Variants in FANCD2OS observed in about 807,000 individuals in gnomAD.
The protein encoded by FANCD2OS is FANCD2 opposite strand protein.
A neutral mutation model predicts 13.2 loss-of-function variants in FANCD2OS; 11 were observed. The ratio of observed to expected loss-of-function variants is 0.83; its 90% CI spans 0.52 to 1.38. The LOEUF is 1.38. FANCD2OS is among the 40% of genes most tolerant of loss of function. The probability of loss-of-function intolerance (pLI) is 0.00; values close to 1 mark genes in which losing one functional copy is unlikely to be tolerated. For missense variants in FANCD2OS, 217 were observed against 213.9 expected (o/e 1.01, Z -0.09); for synonymous variants, 69 against 84.5 (o/e 0.82, Z 1.01).
intron 1 of FANCD2OS, among the ~76,000 whole-genome samples, chr3:10,107,345 T>G (rs1663857942): frequency 6.6e-6 from 1 of 152,022 alleles, no homozygotes; most frequent in Non-Finnish European, 1.5e-5. Context: ...TGGAGTGCAG[T>G]GGCGCGATCT....
At chr3:10,081,661 G>T (rs879779724) in intron 2 of FANCD2OS, 2 of 615,430 alleles carry the variant, frequency 3.2e-6, no homozygotes, top group Admixed American at 5.2e-5. Context: ...GAGCCACTAT[G>T]TTAACCCATT....
chr3:10,096,661 C>T (rs1252622150), intron 2 of FANCD2OS, among the ~76,000 whole-genome samples: 1 of 152,162 alleles, frequency 6.6e-6, no homozygotes, highest in Non-Finnish European at 1.5e-5. Flanking sequence ...CTGCACCCCT[C>T]ATCTTAGGCA....
rs369022159 is a variant in FANCD2OS, at chr3:10,088,463, C to T, written c.*44-6932G>A. 55 of 1,608,832 alleles carry T rather than the reference C, an allele frequency of 3.4e-5. No homozygotes were observed. The highest frequency in any genetic ancestry group is 4.4e-5 in the Non-Finnish European group (52 of 1,175,164). On this transcript the variant is annotated intron_variant, in intron 2 of 2. Transcript: ENST00000524279. ...TTTTCTAACAGCTTCCCTTGCCAGA[C>T]AATTCCTCTGTCGGGTGTGGCCAAG...
chr3:10,088,951 G>T, intron 2 of FANCD2OS: 1 of 1,613,964 alleles, frequency 6.2e-7, no homozygotes, highest in South Asian at 1.1e-5. Context: ...CACTGACCAG[G>T]TAAGGGAGTT....
chr3:10,084,948 A>G (rs947616688), intron 2 of FANCD2OS, among the ~76,000 whole-genome samples: 1 of 135,010 alleles, frequency 7.4e-6, no homozygotes, highest in Non-Finnish European at 1.7e-5. Flanking sequence ...AACACTCAAA[A>G]GGTGTCACTA....
downstream of FANCD2OS, chr3:10,101,098 G>A (rs1426772365): frequency 2.1e-6 from 2 of 958,104 alleles, no homozygotes; most frequent in East Asian, 2.5e-5. Context: ...AGTGATAATA[G>A]TACAGTTGTG....
intron 2 of FANCD2OS, chr3:10,096,210 C>A: frequency 1.0e-6 from 1 of 1,004,258 alleles, no homozygotes; most frequent in Non-Finnish European, 1.6e-6. Flanking sequence ...TGGAACATAC[C>A]GTTGGCCCAT....
chr3:10,099,443 C>A (rs920939039), downstream of FANCD2OS: 1 of 553,628 alleles, frequency 1.8e-6, no homozygotes, highest in Non-Finnish European at 2.4e-6. Context: ...CACAACATAA[C>A]AAGACCCTAT....
At chr3:10,094,970 A>G (rs925999214) in intron 2 of FANCD2OS, 8 of 551,472 alleles carry the variant, frequency 1.5e-5, no homozygotes, top group Non-Finnish European at 2.6e-5. Flanking sequence ...ATGTAAAACT[A>G]AAATGCAGGT....
chr3:10,104,220 T>C lies in FANCD2OS; in HGVS notation c.*21A>G, dbSNP rs1232602607. 1.9e-6 allele frequency: 3 copies of C among 1,576,922 alleles called. No individual in the cohort carries two copies. The African/African-American group carries it at 4.1e-5, about 21-fold the overall frequency. On this transcript the variant is annotated 3_prime_UTR_variant, in exon 2 of 2. Transcript: ENST00000450660. Reference sequence around the variant, plus strand: ...TACCAAAGGGCATGGTGTGAGTAAATGGGGATCAAATGAGGACCCTTTACT... The same window carrying C: ...TACCAAAGGGCATGGTGTGAGTAAACGGGGATCAAATGAGGACCCTTTACT...
downstream of FANCD2OS, chr3:10,098,858 A>G: frequency 6.2e-7 from 1 of 1,614,186 alleles, no homozygotes; most frequent in Non-Finnish European, 8.5e-7. Flanking sequence ...TGATGGTTGC[A>G]TTTTGTTAAT....
chr3:10,106,918 AC>A (rs955186461), intron 1 of FANCD2OS, among the ~76,000 whole-genome samples: 39 of 152,294 alleles, frequency 2.6e-4, no homozygotes, highest in African/African-American at 9.4e-4. Context: ...AAAGAAAAAA[AC>A]GTTGGTGACA....
intron 1 of FANCD2OS, among the ~76,000 whole-genome samples, chr3:10,106,609 T>C (rs564915654): frequency 1.3e-5 from 2 of 152,174 alleles, no homozygotes; most frequent in East Asian, 3.9e-4. Flanking sequence ...GATAGAAAAG[T>C]TCGTTTTAAA....
chr3:10,094,795 T>A (rs1487404546), intron 2 of FANCD2OS: 5 of 333,038 alleles, frequency 1.5e-5, no homozygotes, highest in Non-Finnish European at 2.9e-5. Flanking sequence ...CATCCAGGGC[T>A]AGAGTGATGA....
At chr3:10,088,972 G>A (rs1195419819) in intron 2 of FANCD2OS, 1 of 1,613,462 alleles carries the variant, frequency 6.2e-7, no homozygotes, top group Admixed American at 1.7e-5. Flanking sequence ...CTTTCCTCCA[G>A]TTTTTCCCTT....
chr3:10,102,995 C>T (rs145770625), downstream of FANCD2OS: 1,478 of 373,132 alleles, frequency 4.0e-3, 26 homozygotes, highest in African/African-American at 0.028. Flanking sequence ...TGTGGGTCAC[C>T]GCTGTAATCC....
chr3:10,107,708 G>A (rs1368902936), intron 1 of FANCD2OS, among the ~76,000 whole-genome samples: 2 of 152,024 alleles, frequency 1.3e-5, no homozygotes, highest in Admixed American at 1.3e-4. Context: ...AGCACTTTGG[G>A]AGGCCAAGGC....
exon 3 of FANCD2OS, chr3:10,081,329 A>G: frequency 5.6e-6 from 9 of 1,612,600 alleles, no homozygotes; most frequent in Non-Finnish European, 6.8e-6. Flanking sequence ...CTGTCCTAAA[A>G]TCATTTTTAT....
At chr3:10,089,939 TG>T (rs1694483177) in intron 2 of FANCD2OS, among the ~76,000 whole-genome samples, 1 of 152,206 alleles carries the variant, frequency 6.6e-6, no homozygotes. Context: ...TTGGTATCAT[TG>T]CCCCTATTTT....
Sources: gnomAD v4.1 joint callset for allele counts (sites outside exome capture counted in the v4.1 genomes callset) on GRCh38, gnomAD v4.1.1 for gene constraint, MANE v1.5 for transcripts, NCBI Gene and HGNC (gene_info 2026-07-23, HGNC 2026-07-21) for gene names.